Variants in ZPLD1 observed in about 807,000 individuals in gnomAD.
The protein encoded by ZPLD1 is zona pellucida-like domain-containing protein 1.
A neutral mutation model predicts 47.2 loss-of-function variants in ZPLD1; 34 were observed. That is an observed-to-expected ratio of 0.72 (90% CI 0.55 to 0.96). The LOEUF (loss-of-function observed/expected upper bound fraction) is 0.96, where lower values mean the gene tolerates loss of function less well. ZPLD1 is among the 40% of genes least tolerant of loss of function. The pLI is 0.00. For synonymous variants in ZPLD1, 176 were observed against 186.2 expected, an observed-to-expected ratio of 0.95 and a Z score of 0.45; for missense variants, 512 against 505.8, an observed-to-expected ratio of 1.01 and a Z score of -0.12.
At chr3:102,385,434 T>C (rs995659371) in intron 6 of ZPLD1, 1 of 152,236 alleles carries the variant, frequency 6.6e-6, no homozygotes, top group Non-Finnish European at 1.5e-5. Context: ...ATTTTTCCAA[T>C]GAGTAATTGG....
chr3:102,414,363 A>G (rs911900669), intron 7 of ZPLD1, among the ~76,000 whole-genome samples: 1 of 151,878 alleles, frequency 6.6e-6, no homozygotes, highest in African/African-American at 2.4e-5. Flanking sequence ...GTGGCTTTCA[A>G]CAAAGATTTG....
intron 8 of ZPLD1, among the ~76,000 whole-genome samples, chr3:102,468,037 GAA>G (rs1468401553): frequency 6.6e-6 from 1 of 151,906 alleles, no homozygotes; most frequent in Non-Finnish European, 1.5e-5. Context: ...TTCAGATAAA[GAA>G]ATGCAAATGA....
chr3:102,397,137 T>C (rs1706567109), intron 7 of ZPLD1, among the ~76,000 whole-genome samples: 1 of 152,144 alleles, frequency 6.6e-6, no homozygotes, highest in Admixed American at 6.6e-5. Flanking sequence ...AGAAAATTTT[T>C]CATATCCTTC....
At chr3:102,433,311 C>T (rs960125481), upstream of ZPLD1, among the ~76,000 whole-genome samples, 4 of 152,170 alleles carry the variant, frequency 2.6e-5, no homozygotes, top group Non-Finnish European at 5.9e-5. Context: ...TTGCTCCGGG[C>T]GTGAATCCTG....
At position 102,438,651 on chromosome 3, in the gene ZPLD1, G is replaced by A. The variant is rs1707128305; in HGVS notation, c.106+58G>A. ...TTCTGGAAGAGTGATTATATTTGAA[G>A]AGCAAGTCATTTAAATATATATGGA... On this transcript the variant is annotated intron_variant, in intron 3 of 11. Coordinates refer to ENST00000466937, the MANE Select transcript of ZPLD1 (RefSeq NM_001329788.2). The A allele has an allele frequency of 6.0e-6, 8 of 1,325,618 alleles. No homozygotes were observed. In the South Asian group the frequency reaches 8.6e-5, roughly 14 times the overall value. The allele number at this position is 1,325,618 out of a possible 1,614,324, so 82.1% of individuals were successfully genotyped here.
intron 3 of ZPLD1, 88 bp from the exon 4 acceptor site, chr3:102,452,831 G>A: frequency 1.4e-6 from 2 of 1,410,258 alleles, no homozygotes; most frequent in Non-Finnish European, 1.9e-6. Flanking sequence ...AGACAAAGGA[G>A]ATGAATAAAT....
At chr3:102,448,489 A>G (rs746825593) in intron 3 of ZPLD1, among the ~76,000 whole-genome samples, 7 of 152,180 alleles carry the variant, frequency 4.6e-5, no homozygotes, top group Non-Finnish European at 8.8e-5. Context: ...ACAAATGGTA[A>G]AGTTGTGCTG....
intron 5 of ZPLD1, among the ~76,000 whole-genome samples, chr3:102,457,071 TA>T (rs1707428339): frequency 6.6e-6 from 1 of 152,252 alleles, no homozygotes; most frequent in Non-Finnish European, 1.5e-5. Flanking sequence ...ATGGGATGAT[TA>T]AGCGAACGCT....
At chr3:102,446,414 A>G (rs1471582057) in intron 3 of ZPLD1, among the ~76,000 whole-genome samples, 1 of 152,164 alleles carries the variant, frequency 6.6e-6, no homozygotes, top group Non-Finnish European at 1.5e-5. Context: ...AGCTATTACT[A>G]TTATTATTGA....
intron 10 of ZPLD1, among the ~76,000 whole-genome samples, chr3:102,473,618 G>A (rs571968206): frequency 1.3e-5 from 2 of 152,010 alleles, no homozygotes; most frequent in Admixed American, 6.6e-5. Context: ...CAATTTTGGC[G>A]TGGTCTTCTT....
At chr3:102,417,504 G>T (rs1706823046) in intron 7 of ZPLD1, among the ~76,000 whole-genome samples, 1 of 151,898 alleles carries the variant, frequency 6.6e-6, no homozygotes, top group Non-Finnish European at 1.5e-5. Context: ...GTGCTTGGAG[G>T]CCCCTAAACA....
intron 7 of ZPLD1, among the ~76,000 whole-genome samples, chr3:102,409,185 A>G (rs1706724029): frequency 6.6e-6 from 1 of 151,818 alleles, no homozygotes; most frequent in Non-Finnish European, 1.5e-5. Flanking sequence ...GGACAATCAC[A>G]TGGTGAGGAA....
Position 102,457,878 on chromosome 3 carries a change from A to AT in ZPLD1, c.582+29dup, listed in dbSNP as rs375549284. On this transcript the variant is annotated intron_variant, in intron 6 of 11. Transcript: ENST00000466937. ...CGTAAGTTGATGGGTGAAGGATGTTATTTTCTCTTTCACTGTTGTGAGGAG... is the reference window on the plus strand; with the variant it reads ...CGTAAGTTGATGGGTGAAGGATGTTATTTTTCTCTTTCACTGTTGTGAGGAG... 3.2e-5 allele frequency: 52 copies of AT among 1,611,060 alleles called. No homozygotes were observed. In the African/African-American group the frequency reaches 6.3e-4, roughly 19 times the overall value.
chr3:102,465,056 C>A (rs1707569897), intron 8 of ZPLD1, among the ~76,000 whole-genome samples: 1 of 152,128 alleles, frequency 6.6e-6, no homozygotes, highest in Admixed American at 6.5e-5. Context: ...AACTGTTATT[C>A]TTACATATCC....
At chr3:102,409,093 TATC>T (rs1706722980) in intron 7 of ZPLD1, among the ~76,000 whole-genome samples, 2 of 151,914 alleles carry the variant, frequency 1.3e-5, no homozygotes, top group East Asian at 2.0e-4. Flanking sequence ...TTACTTGGCT[TATC>T]ATTCTGGAGG....
intron 7 of ZPLD1, among the ~76,000 whole-genome samples, chr3:102,417,003 A>G: frequency 6.6e-6 from 1 of 151,622 alleles, no homozygotes; most frequent in Non-Finnish European, 1.5e-5. Flanking sequence ...AGTTTGGTCC[A>G]GGGGGTTGAC....
chr3:102,420,187 CA>C (rs1706860421), intron 8 of ZPLD1, among the ~76,000 whole-genome samples: 1 of 151,908 alleles, frequency 6.6e-6, no homozygotes, highest in Admixed American at 6.6e-5. Context: ...CTTAAAAAAG[CA>C]GCTGATCAAT....
At chr3:102,432,517 G>A (rs1223136723), upstream of ZPLD1, among the ~76,000 whole-genome samples, 1 of 152,080 alleles carries the variant, frequency 6.6e-6, no homozygotes, top group African/African-American at 2.4e-5. Flanking sequence ...CTATATCAAG[G>A]CAATGAAATT....
intron 3 of ZPLD1, among the ~76,000 whole-genome samples, chr3:102,447,559 T>G (rs1429527299): frequency 1.3e-5 from 2 of 152,332 alleles, no homozygotes; most frequent in East Asian, 3.9e-4. Flanking sequence ...CTTTGAATAA[T>G]TTATTAATCT....
Sources: gnomAD v4.1 joint callset for allele counts (sites outside exome capture counted in the v4.1 genomes callset) on GRCh38, gnomAD v4.1.1 for gene constraint, MANE v1.5 for transcripts, NCBI Gene and HGNC (gene_info 2026-07-23, HGNC 2026-07-21) for gene names.